RPH3A: variants seen among roughly 807,000 people sequenced by gnomAD.
RPH3A encodes rabphilin-3A.
RPH3A carries 48 observed loss-of-function variants against 102.2 expected under a neutral mutation model. The ratio of observed to expected loss-of-function variants is 0.47; its 90% CI spans 0.37 to 0.60. The LOEUF (loss-of-function observed/expected upper bound fraction) is 0.60, where lower values mean the gene tolerates loss of function less well. Ranked by LOEUF, RPH3A falls within the 20% of genes least tolerant of loss-of-function variation. The pLI is 0.00. For synonymous variants in RPH3A, 310 were observed against 324.3 expected (o/e 0.96, Z 0.47); for missense variants, 781 against 910.1 (o/e 0.86, Z 1.83).
chr12:112,652,345 C>T (rs1047811724), intron 1 of RPH3A, among the ~76,000 whole-genome samples: 11 of 152,106 alleles, frequency 7.2e-5, no homozygotes, highest in Non-Finnish European at 1.3e-4. Flanking sequence ...GGTGTGGTAG[C>T]GCTTACCTGT....
chr12:112,866,628 A>G (rs567184639), intron 6 of RPH3A, 129 bp from the exon 7 acceptor site: 1 of 697,018 alleles, frequency 1.4e-6, no homozygotes, highest in East Asian at 2.8e-5. Context: ...CCTTGCTCAT[A>G]GAAGGAAGTG....
intron 1 of RPH3A, among the ~76,000 whole-genome samples, chr12:112,687,223 G>A (rs1351384055): frequency 2.0e-5 from 3 of 152,200 alleles, no homozygotes; most frequent in African/African-American, 7.2e-5. Flanking sequence ...GTCTAGACAG[G>A]CAGTTGCTGG....
chr12:112,856,978 A>G (rs1490636756), intron 5 of RPH3A, among the ~76,000 whole-genome samples: 1 of 152,054 alleles, frequency 6.6e-6, no homozygotes, highest in East Asian at 1.9e-4. Context: ...CTCACTCCAG[A>G]ATTGGCACCC....
chr12:112,668,506 G>T (rs1481361622), intron 1 of RPH3A, among the ~76,000 whole-genome samples: 2 of 152,116 alleles, frequency 1.3e-5, no homozygotes, highest in Admixed American at 6.6e-5. Flanking sequence ...CATGTCCTTT[G>T]CAGGGACATG....
At chr12:112,720,379 C>T (rs1207487587) in intron 1 of RPH3A, among the ~76,000 whole-genome samples, 2 of 152,210 alleles carry the variant, frequency 1.3e-5, no homozygotes, top group East Asian at 3.8e-4. Context: ...TTGTGGCAGG[C>T]AGATGATGTT....
chr12:112,856,980 T>C (rs1049216986), intron 5 of RPH3A, among the ~76,000 whole-genome samples: 2 of 151,990 alleles, frequency 1.3e-5, no homozygotes, highest in Admixed American at 1.3e-4. Flanking sequence ...CACTCCAGAA[T>C]TGGCACCCCA....
At chr12:112,825,980 C>T (rs995074430) in intron 2 of RPH3A, among the ~76,000 whole-genome samples, 3 of 152,008 alleles carry the variant, frequency 2.0e-5, no homozygotes, top group Admixed American at 6.6e-5. Context: ...GCAGGATGTG[C>T]AGGTCTGTCA....
At chr12:112,790,017 C>T (rs1236521046), upstream of RPH3A, among the ~76,000 whole-genome samples, 4 of 151,874 alleles carry the variant, frequency 2.6e-5, no homozygotes. Flanking sequence ...TATGATTGCA[C>T]CACTGCGCTC....
intron 1 of RPH3A, among the ~76,000 whole-genome samples, chr12:112,647,820 A>G (rs1160906120): frequency 1.3e-5 from 2 of 152,242 alleles, no homozygotes; most frequent in African/African-American, 4.8e-5. Context: ...TGGTGGGTGC[A>G]GCTGCCACAG....
chr12:112,856,484 A>G (rs112600902), intron 5 of RPH3A, among the ~76,000 whole-genome samples: 2,582 of 149,944 alleles, frequency 0.017, 487 homozygotes, highest in African/African-American at 0.052. Context: ...ACACATGTGC[A>G]TGTGTGTGTG....
chr12:112,853,924 C>T (rs2042367602), intron 5 of RPH3A, among the ~76,000 whole-genome samples: 1 of 152,138 alleles, frequency 6.6e-6, no homozygotes, highest in Admixed American at 6.5e-5. Context: ...ATGAATAATG[C>T]ATACTAAGTG....
rs1565882517 is a variant in RPH3A, at chr12:112,791,904, G to GAGAGAGAGAGAGAGAGAGAGAA, written c.-247_-246insGAGAGAGAGAGAGAGAGAGAAA. 1 of 151,120 alleles carries GAGAGAGAGAGAGAGAGAGAGAA rather than the reference G, an allele frequency of 6.6e-6. No homozygotes were observed. The highest frequency in any genetic ancestry group is 2.4e-5 in the African/African-American group (1 of 41,106). The allele number at this position is 151,120 out of a possible 1,614,324, so 9.4% of individuals were successfully genotyped here. A position where few individuals can be genotyped will look rare whatever the true frequency, so the allele number is the denominator to read the frequency against. On this transcript the variant is annotated 5_prime_UTR_variant, in exon 1 of 22. Transcript: ENST00000389385. ...AGAGAGAGAGAGAGAGAGAGAGAGAGACTCACAGAGCTAAAACCTTCATCC... is the reference window on the plus strand; with the variant it reads ...AGAGAGAGAGAGAGAGAGAGAGAGAGAGAGAGAGAGAGAGAGAGAGAAACTCACAGAGCTAAAACCTTCATCC...
chr12:112,614,346 C>T lies in RPH3A; in HGVS notation c.-140+39027C>T, dbSNP rs189716892. Among the ~76,000 whole-genome samples the T allele has an allele frequency of 1.8e-4, 27 of 151,882 alleles. No homozygotes were observed. The East Asian group carries it at 3.7e-3, about 21-fold the overall frequency. On this transcript the variant is annotated intron_variant, in intron 1 of 21. Transcript: ENST00000543106. ...GAAATGGGAATAATAATATCAATGC[C>T]CACATCATAGCGTGATAGTGGAGAT...
chr12:112,855,171 T>G (rs1316999774), intron 5 of RPH3A, among the ~76,000 whole-genome samples: 3 of 152,196 alleles, frequency 2.0e-5, no homozygotes, highest in African/African-American at 7.2e-5. Context: ...CAAATCCAGC[T>G]CTTCCACCCT....
intron 1 of RPH3A, among the ~76,000 whole-genome samples, chr12:112,677,076 A>G (rs1333571387): frequency 6.6e-6 from 1 of 152,192 alleles, no homozygotes; most frequent in Non-Finnish European, 1.5e-5. Context: ...ATCTGTAAAA[A>G]GATAGTTCCT....
intron 1 of RPH3A, among the ~76,000 whole-genome samples, chr12:112,712,946 T>C (rs758008069): frequency 1.2e-4 from 14 of 113,764 alleles, no homozygotes; most frequent in East Asian, 2.7e-4. Flanking sequence ...CTTCTTCTTC[T>C]TCTTCTTCTT....
intron 17 of RPH3A, among the ~76,000 whole-genome samples, chr12:112,889,542 G>A (rs1173409490): frequency 6.6e-6 from 1 of 152,226 alleles, no homozygotes; most frequent in African/African-American, 2.4e-5. Context: ...TCTCCAAAGT[G>A]GGGAGGTTGG....
At chr12:112,858,128 G>A (rs947892189) in intron 5 of RPH3A, among the ~76,000 whole-genome samples, 4 of 151,672 alleles carry the variant, frequency 2.6e-5, no homozygotes, top group Admixed American at 6.6e-5. Flanking sequence ...ATAGCTGGAC[G>A]TAGTGGCACG....
chr12:112,597,933 G>T (rs932235691), intron 1 of RPH3A, among the ~76,000 whole-genome samples: 1 of 152,202 alleles, frequency 6.6e-6, no homozygotes, highest in Non-Finnish European at 1.5e-5. Context: ...AGAATGGAGC[G>T]ACCCAACATT....
Sources: gnomAD v4.1 joint callset for allele counts (sites outside exome capture counted in the v4.1 genomes callset) on GRCh38, gnomAD v4.1.1 for gene constraint, MANE v1.5 for transcripts, NCBI Gene and HGNC (gene_info 2026-07-23, HGNC 2026-07-21) for gene names.